ADSL: variants seen among roughly 807,000 people sequenced by gnomAD.
The protein encoded by ADSL is adenylosuccinase.
Under a neutral mutation model 62.1 loss-of-function variants are expected in ADSL, and 44 were observed. That is an observed-to-expected ratio of 0.71 (90% CI 0.56 to 0.91). The LOEUF is 0.91. Among genes scored for constraint, ADSL ranks in the 40% least tolerant of loss-of-function variants. ADSL has a pLI of 0.00. For missense variants in ADSL, 531 were observed against 627.4 expected, an observed-to-expected ratio of 0.85 and a Z score of 1.64; for synonymous variants, 198 against 220.5, an observed-to-expected ratio of 0.90 and a Z score of 0.90.
In ADSL at chr22:40,346,536, C is replaced by A; in HGVS notation, c.-23C>A. On this transcript the variant is annotated 5_prime_UTR_variant, in exon 1 of 13. Transcript: ENST00000623063. ...TCCGCTCTTCCCTGGTCCAGTCCACCCTGGCGGGGTCGCAGGGTTGGGATG... is the reference window on the plus strand; with the variant it reads ...TCCGCTCTTCCCTGGTCCAGTCCACACTGGCGGGGTCGCAGGGTTGGGATG... 1 of 1,596,024 alleles carries A rather than the reference C, an allele frequency of 6.3e-7. No homozygotes were observed. Among genetic ancestry groups the A allele is most frequent in the South Asian group, 1.1e-5 (1 of 88,884 alleles).
intron 2 of ADSL, chr22:40,387,521 A>G (rs182033290): frequency 6.1e-5 from 16 of 261,464 alleles, no homozygotes; most frequent in South Asian, 1.7e-4. Flanking sequence ...AAAACTTTCA[A>G]TATAAATGTC....
intron 4 of ADSL, among the ~76,000 whole-genome samples, chr22:40,356,032 CAAAAAAAA>C (rs1212379585): frequency 1.8e-5 from 1 of 55,336 alleles, no homozygotes; most frequent in Non-Finnish European, 3.4e-5. Flanking sequence ...ACTAAAAATA[CAAAAAAAA>C]AAAAAAAAAA....
chr22:40,386,947 T>A (rs2048564077), intron 2 of ADSL, among the ~76,000 whole-genome samples: 1 of 152,176 alleles, frequency 6.6e-6, no homozygotes, highest in South Asian at 2.1e-4. Context: ...AAAATTTTTT[T>A]TAGTTGCTTT....
chr22:40,373,970 A>G (rs1377977562), downstream of ADSL, among the ~76,000 whole-genome samples: 1 of 147,674 alleles, frequency 6.8e-6, no homozygotes, highest in African/African-American at 2.5e-5. Flanking sequence ...TATTTTTGAG[A>G]CGGAGTCTCC....
chr22:40,376,372 T>A (rs2046597553), intron 2 of ADSL: 1 of 151,822 alleles, frequency 6.6e-6, no homozygotes, highest in Non-Finnish European at 1.5e-5. Flanking sequence ...CACTGAAACC[T>A]CAAACTCCTG....
chr22:40,374,435 G>A lies in ADSL; in HGVS notation c.89+7937G>A, dbSNP rs563644064. 2.6e-5 allele frequency among the ~76,000 whole-genome samples: 4 copies of A among 152,320 alleles called. No homozygotes were observed. In the East Asian group the frequency reaches 5.8e-4, roughly 22 times the overall value. The stretch of plus-strand genomic sequence containing the variant: ...AGAGATGACATGGTTGAAAGATACA[G>A]TATAGGCTTTAGAGTCTGACAGATC... On this transcript the variant is annotated intron_variant, in intron 2 of 2. Transcript: ENST00000498234.
chr22:40,356,201 CA>C (rs938069843), intron 4 of ADSL, among the ~76,000 whole-genome samples: 167 of 126,324 alleles, frequency 1.3e-3, no homozygotes, highest in Non-Finnish European at 1.3e-3. Flanking sequence ...GACTCCACCT[CA>C]AAAAAAAAAA....
chr22:40,361,461 CA>C, intron 8 of ADSL, 26 bp from the exon 9 acceptor site: 9 of 1,614,186 alleles, frequency 5.6e-6, no homozygotes, highest in Non-Finnish European at 7.6e-6. Flanking sequence ...TCTGCCTTTG[CA>C]TCTTGTCCTT....
chr22:40,377,164 C>A (rs1055035282), intron 2 of ADSL, among the ~76,000 whole-genome samples: 35 of 152,212 alleles, frequency 2.3e-4, no homozygotes, highest in African/African-American at 8.4e-4. Flanking sequence ...GATAACAGCT[C>A]AATTTTGCTT....
In ADSL at chr22:40,346,500, A is replaced by T; in HGVS notation, c.-59A>T. 1 of 1,547,564 alleles carries T rather than the reference A, an allele frequency of 6.5e-7. No individual in the cohort carries two copies. The highest frequency in any genetic ancestry group is 8.7e-7 in the Non-Finnish European group (1 of 1,148,834). On this transcript the variant is annotated 5_prime_UTR_variant, in exon 1 of 13. Coordinates refer to ENST00000623063, the MANE Select transcript of ADSL (RefSeq NM_000026.4). ...CCCGCCCCGTCCTGCCCTGGCCTCC[A>T]GGTTTCCGCTTCCGCTCTTCCCTGG...
rs758666194 is a variant in ADSL, at chr22:40,364,270, C to G, written c.1102-6C>G. The stretch of plus-strand genomic sequence containing the variant: ...TCTTGGTCATTCACCGTATCTTTTC[C>G]TATAGGTAATTGAACGGCGCATTCG... On this transcript the variant is annotated splice_polypyrimidine_tract_variant and splice_region_variant and intron_variant, in intron 10 of 12. Transcript: ENST00000623063. The G allele has an allele frequency of 1.9e-5, 30 of 1,613,274 alleles. No individual in the cohort carries two copies. The South Asian group carries it at 3.2e-4, about 17-fold the overall frequency.
chr22:40,348,521 G>C, intron 1 of ADSL: 1 of 398,598 alleles, frequency 2.5e-6, no homozygotes, highest in Admixed American at 4.4e-5. Flanking sequence ...GCTGGAACTA[G>C]AGGTGCACGC....
intron 2 of ADSL, among the ~76,000 whole-genome samples, chr22:40,374,568 G>C (rs941104126): frequency 6.6e-6 from 1 of 152,244 alleles, no homozygotes; most frequent in African/African-American, 2.4e-5. Flanking sequence ...TCCTAGAACA[G>C]TGGTAGGTGA....
intron 2 of ADSL, among the ~76,000 whole-genome samples, chr22:40,385,270 C>G (rs2048233040): frequency 1.3e-5 from 2 of 152,148 alleles, no homozygotes; most frequent in Non-Finnish European, 2.9e-5. Context: ...ATTGATGAAG[C>G]ATGGGCGCTT....
intron 2 of ADSL, among the ~76,000 whole-genome samples, chr22:40,351,408 A>T (rs745652600): frequency 1.3e-5 from 2 of 151,768 alleles, no homozygotes; most frequent in Non-Finnish European, 2.9e-5. Flanking sequence ...CTGACCTCAG[A>T]CGATCTACCC....
intron 4 of ADSL, among the ~76,000 whole-genome samples, chr22:40,354,977 G>T (rs1375188995): frequency 6.6e-6 from 1 of 152,134 alleles, no homozygotes; most frequent in Non-Finnish European, 1.5e-5. Flanking sequence ...TTTAAATGAT[G>T]CTTACAAGAT....
intron 2 of ADSL, among the ~76,000 whole-genome samples, chr22:40,386,445 C>T (rs1383991587): frequency 6.6e-6 from 1 of 151,830 alleles, no homozygotes; most frequent in Non-Finnish European, 1.5e-5. Context: ...ATGGGCCTGT[C>T]TCTAGCTGTT....
intron 11 of ADSL, chr22:40,364,587 T>G: frequency 1.5e-6 from 1 of 647,790 alleles, no homozygotes; most frequent in South Asian, 1.7e-5. Context: ...CCACTCCTAG[T>G]GAAGGAATGA....
chr22:40,349,196 G>T (rs565623728), intron 1 of ADSL, among the ~76,000 whole-genome samples: 67 of 152,072 alleles, frequency 4.4e-4, no homozygotes, highest in African/African-American at 1.5e-3. Flanking sequence ...GATAAGTGCT[G>T]TAAATAAAAC....
Sources: allele counts gnomAD v4.1 joint callset (sites outside exome capture counted in the v4.1 genomes callset), GRCh38; gene constraint gnomAD v4.1.1; transcripts MANE v1.5; gene names NCBI Gene and HGNC (gene_info 2026-07-23, HGNC 2026-07-21).